MIA3: variants seen among roughly 807,000 people sequenced by gnomAD.
MIA3 encodes the protein MIA SH3 domain ER export factor 3, also known as transport and Golgi organization protein 1 homolog.
In MIA3, 90 loss-of-function variants were observed where a neutral mutation model predicts 192.4. That is an observed-to-expected ratio of 0.47 (90% confidence interval 0.39 to 0.56). MIA3 has a LOEUF of 0.56. Ranked by LOEUF, MIA3 falls within the 20% of genes least tolerant of loss-of-function variation. MIA3 has a pLI of 0.00. For synonymous variants in MIA3, 740 were observed against 792.8 expected (o/e 0.93, Z 1.12); for missense variants, 2,123 against 2,269.4 (o/e 0.94, Z 1.31).
At chr1:222,641,852 T>C (rs1311041477) in intron 6 of MIA3, 1 of 495,078 alleles carries the variant, frequency 2.0e-6, no homozygotes, top group African/African-American at 2.0e-5. Flanking sequence ...TCTGTGATAG[T>C]CTTGGAAGTT....
At chr1:222,639,532 A>G (rs953794313) in intron 6 of MIA3, among the ~76,000 whole-genome samples, 4 of 152,172 alleles carry the variant, frequency 2.6e-5, no homozygotes, top group African/African-American at 9.7e-5. Context: ...TAAAAAGGAA[A>G]ATACTCTATG....
rs1663389999 is a variant in MIA3, at chr1:222,650,793, G to C, written c.3799G>C (p.Asp1267His). 6.3e-7 allele frequency: 1 copy of C among 1,595,938 alleles called. No individual in the cohort carries two copies. Among genetic ancestry groups the C allele is most frequent in the Admixed American group, 1.7e-5 (1 of 57,728 alleles). The change falls in exon 11 of 28, where the codon GAT becomes CAT. Residue 1267 changes from aspartate (D) to histidine (H), a missense_variant and splice_region_variant. By Grantham distance (81) the Asp-to-His change is moderately conservative. Transcript: ENST00000344922. ...ACTAACCTTAATATCTTTTTTGTAG[G>C]ATAAAATCAAGACACTTGAAAAAAA... ...ILSDEAIKYKDKIKTLEKNQE... is the reference protein window; with the variant it reads ...ILSDEAIKYKHKIKTLEKNQE...
chr1:222,618,239 C>T lies in MIA3; in HGVS notation c.129C>T (p.Cys43=). ...SEHKLCADDE[C]SMLMYRGEAL... ...ACAAACTCTGCGCGGACGACGAATG[C>T]AGCAGTGAGTGCGCTGGAGGGGCGG... Residue 43 remains cysteine, a synonymous_variant, in exon 1 of 28, where the codon TGC becomes TGT. Coordinates refer to ENST00000344922, the MANE Select transcript of MIA3 (RefSeq NM_198551.4). 1 of 1,472,068 alleles carries T rather than the reference C, an allele frequency of 6.8e-7. No homozygotes were observed. Among genetic ancestry groups the T allele is most frequent in the Non-Finnish European group, 9.1e-7 (1 of 1,104,628 alleles). 91.2% of individuals were successfully genotyped at this position (1,472,068 alleles called of 1,614,324 possible). A position where few individuals can be genotyped will look rare whatever the true frequency, so the allele number is the denominator to read the frequency against.
chr1:222,628,529 C>T lies in MIA3; in HGVS notation c.1309C>T (p.Pro437Ser), dbSNP rs911756446. ...ACAGTCAGCAACAGATTATAGTGAC[C>T]CTGACAATGTAGATGATGGTCTTTT... is the stretch of plus-strand genomic sequence containing the variant. Reference protein sequence around the residue: ...KPQSATDYSDPDNVDDGLFIV... With the variant: ...KPQSATDYSDSDNVDDGLFIV... The change falls in exon 4 of 28, where the codon CCT becomes TCT. Residue 437 changes from proline (P) to serine (S), a missense_variant. By Grantham distance (74) the Pro-to-Ser change is moderately conservative. Around this residue, in one of 3 missense-constraint regions of MIA3, gnomAD observed 1,357 missense variants for 1,396.1 expected, o/e 0.97. Transcript: ENST00000344922. The T allele has an allele frequency of 6.2e-7, 1 of 1,614,054 alleles. No individual in the cohort carries two copies. The highest frequency in any genetic ancestry group is 8.5e-7 in the Non-Finnish European group (1 of 1,179,992).
At chr1:222,644,465 T>A (rs779414300) in intron 6 of MIA3, 1 of 1,550,522 alleles carries the variant, frequency 6.4e-7, no homozygotes, top group South Asian at 1.2e-5. Context: ...TGCGTTCAGC[T>A]GTTCTACACA....
At chr1:222,621,114 G>C (rs1193713072) in intron 1 of MIA3, 45 bp from the exon 2 acceptor site, 1 of 1,534,974 alleles carries the variant, frequency 6.5e-7, no homozygotes, top group Non-Finnish European at 8.8e-7. Flanking sequence ...TGTGAACACT[G>C]AATCCTGATA....
At chr1:222,638,934 G>C (rs1197691164) in intron 6 of MIA3, among the ~76,000 whole-genome samples, 3 of 152,014 alleles carry the variant, frequency 2.0e-5, no homozygotes, top group African/African-American at 7.2e-5. Context: ...CAGTGAAATA[G>C]AAAACAAAAG....
chr1:222,660,481 G>T, intron 24 of MIA3, 167 bp downstream of exon 24: 1 of 515,872 alleles, frequency 1.9e-6, no homozygotes, highest in East Asian at 3.4e-5. Flanking sequence ...TGCAAGATTT[G>T]CTTTAGAACA....
At chr1:222,652,449 G>A (rs773783429) in intron 13 of MIA3, 117 bp downstream of exon 13, 39 of 693,784 alleles carry the variant, frequency 5.6e-5, no homozygotes, top group Non-Finnish European at 8.3e-5. Flanking sequence ...TCTGTTCTTA[G>A]ATATGCAAAG....
In MIA3 at chr1:222,629,142, C is replaced by T. The variant is rs756669573; in HGVS notation, c.1922C>T (p.Pro641Leu). 3 of 1,614,112 alleles carry T rather than the reference C, an allele frequency of 1.9e-6. No individual in the cohort carries two copies. Among genetic ancestry groups the T allele is most frequent in the East Asian group, 2.2e-5 (1 of 44,884 alleles). ...RFSSPDEIDL[P>L]RELEDEVPIL... ...TCCTCTCCAGATGAGATTGATTTGC[C>T]CAGAGAACTGGAAGACGAGGTTCCC... Residue 641 changes from proline (P) to leucine (L), a missense_variant, in exon 4 of 28, where the codon CCC (proline) becomes CTC (leucine). Physicochemically the swap from Pro to Leu is moderately conservative, Grantham distance 98 (BLOSUM62 -3). Coordinates refer to ENST00000344922, the MANE Select transcript of MIA3 (RefSeq NM_198551.4).
At chr1:222,664,552 T>C (rs774682407) in intron 27 of MIA3, among the ~76,000 whole-genome samples, 1 of 152,074 alleles carries the variant, frequency 6.6e-6, no homozygotes, top group African/African-American at 2.4e-5. Flanking sequence ...AAGCAGTAGG[T>C]CACAGAATAT....
chr1:222,658,611 A>G lies in MIA3; in HGVS notation c.4608-111A>G, dbSNP rs764746201. On this transcript the variant is annotated intron_variant, in intron 18 of 27. Transcript: ENST00000344922. ...TTATTTCCTTCCTGTGACTTTGTAT[A>G]ATCTATGCATTTTTAAGAATAGGAT... is the stretch of plus-strand genomic sequence containing the variant. The G allele has an allele frequency of 2.2e-5, 16 of 729,830 alleles. 1 individual carries two copies. Among genetic ancestry groups the G allele is most frequent in the Non-Finnish European group, 3.6e-5 (16 of 448,462 alleles). The allele number at this position is 729,830 out of a possible 1,614,324, so 45.2% of individuals were successfully genotyped here.
Position 222,665,659 on chromosome 1 carries a change from T to C in MIA3, c.*40T>C, listed in dbSNP as rs1411353635. ...AGGTTTCATTGGAAAGAAAGTGTACTGTGCATTATCCATTACAGTAAAGGA... is the reference window on the plus strand; with the variant it reads ...AGGTTTCATTGGAAAGAAAGTGTACCGTGCATTATCCATTACAGTAAAGGA... On this transcript the variant is annotated 3_prime_UTR_variant, in exon 28 of 28. Transcript: ENST00000344922. The C allele has an allele frequency of 6.8e-7, 1 of 1,473,974 alleles. No individual in the cohort carries two copies. Among genetic ancestry groups the C allele is most frequent in the Non-Finnish European group, 9.1e-7 (1 of 1,096,474 alleles). 91.3% of individuals were successfully genotyped at this position (1,473,974 alleles called of 1,614,324 possible). A position where few individuals can be genotyped will look rare whatever the true frequency, so the allele number is the denominator to read the frequency against.
rs1358247673 is a variant in MIA3, at chr1:222,629,635, A to T, written c.2415A>T (p.Glu805Asp). 1.9e-6 allele frequency: 3 copies of T among 1,614,110 alleles called. No individual in the cohort carries two copies. The African/African-American group carries it at 4.0e-5, about 22-fold the overall frequency. ...AAGGGGTCAACACAGGAGGCAGGGA[A>T]CCAAATACAATGGTGGAAAAAGAAC... ...AAKGVNTGGR[E>D]PNTMVEKERP... The change falls in exon 4 of 28, where the codon GAA becomes GAT. Residue 805 changes from glutamate to aspartate, a missense_variant. Glu to Asp is a conservative substitution (Grantham distance 45, BLOSUM62 2). This residue lies in a region of MIA3 where 1,357 missense variants were observed against 1,396.1 expected (regional missense o/e 0.97). Coordinates refer to ENST00000344922, the MANE Select transcript of MIA3 (RefSeq NM_198551.4).
At chr1:222,642,005 G>T in intron 6 of MIA3, 2 of 319,888 alleles carry the variant, frequency 6.3e-6, no homozygotes, top group South Asian at 2.6e-5. Context: ...CAATGTGGGT[G>T]AATTTCAAAT....
At position 222,654,754 on chromosome 1, in the gene MIA3, T is replaced by C; in HGVS notation, c.4568T>C (p.Leu1523Pro). Residue 1523 changes from leucine (L) to proline (P), a missense_variant, in exon 18 of 28, where the codon CTG becomes CCG. Physicochemically the swap from Leu to Pro is moderately conservative, Grantham distance 98. This residue lies in a region of MIA3 where 762 missense variants were observed against 856.4 expected (regional missense o/e 0.89). Coordinates refer to ENST00000344922, the MANE Select transcript of MIA3 (RefSeq NM_198551.4). The stretch of plus-strand genomic sequence containing the variant: ...ACCTTGAGGCAGAAAGTGGAGATTC[T>C]GAATGAGCTCTATCAGCAGAAGGAG... ...CKTLRQKVEI[L>P]NELYQQKEMA... 6.2e-7 allele frequency: 1 copy of C among 1,614,160 alleles called. No homozygotes were observed. Among genetic ancestry groups the C allele is most frequent in the Non-Finnish European group, 8.5e-7 (1 of 1,179,994 alleles).
chr1:222,635,839 C>A (rs1018813192), intron 6 of MIA3, among the ~76,000 whole-genome samples: 1 of 152,120 alleles, frequency 6.6e-6, no homozygotes, highest in African/African-American at 2.4e-5. Context: ...CATTTTGGGA[C>A]CTGTGCGTCA....
In MIA3 at chr1:222,628,065, C is replaced by CG. The variant is rs777593188; in HGVS notation, c.845_846insG (p.Ala283SerfsTer2). The CG allele has an allele frequency of 6.2e-7, 1 of 1,614,094 alleles. No individual in the cohort carries two copies. The highest frequency in any genetic ancestry group is 8.5e-7 in the Non-Finnish European group (1 of 1,180,020). ...GACTTGAAAACCAAATTTGGCTCAA[C>CG]AGCTGATGCACTTGTATCTGATGAT... On this transcript the variant is annotated frameshift_variant, in exon 4 of 28. Coordinates refer to ENST00000344922, the MANE Select transcript of MIA3 (RefSeq NM_198551.4). LOFTEE classifies it high-confidence loss of function.
In MIA3 at chr1:222,653,323, A is replaced by C. The variant is rs1663542143; in HGVS notation, c.4305A>C (p.Ala1435=). The C allele has an allele frequency of 6.2e-7, 1 of 1,613,236 alleles. No homozygotes were observed. Among genetic ancestry groups the C allele is most frequent in the Non-Finnish European group, 8.5e-7 (1 of 1,179,276 alleles). ...GTGGAAATGATTCAGATGAATTAGC[A>C]AATGGAGAAGTGGGAGGTAAGATCA... ...NKGGNDSDEL[A]NGEVGGDRNE... Residue 1435 remains alanine (A), a synonymous_variant, in exon 15 of 28, where the codon GCA becomes GCC. Coordinates refer to ENST00000344922, the MANE Select transcript of MIA3 (RefSeq NM_198551.4).
Sources: gnomAD v4.1 joint callset for allele counts (sites outside exome capture counted in the v4.1 genomes callset) on GRCh38, gnomAD v4.1.1 for gene constraint, gnomAD v4.1.1 regional missense constraint, MANE v1.5 for transcripts, NCBI Gene and HGNC (gene_info 2026-07-23, HGNC 2026-07-21) for gene names.